NAALADL2: variants seen among roughly 807,000 people sequenced by gnomAD.
NAALADL2 encodes the protein N-acetylated alpha-linked acidic dipeptidase like 2, also known as inactive N-acetylated-alpha-linked acidic dipeptidase-like protein 2.
Under a neutral mutation model 87.2 loss-of-function variants are expected in NAALADL2, and 76 were observed. The ratio of observed to expected loss-of-function variants is 0.87; its 90% CI spans 0.72 to 1.05. NAALADL2 has a LOEUF of 1.05. Among genes scored for constraint, NAALADL2 ranks in the 50% least tolerant of loss-of-function variants. The probability of loss-of-function intolerance (pLI) is 0.00; values close to 1 mark genes in which losing one functional copy is unlikely to be tolerated. For synonymous variants in NAALADL2, 354 were observed against 331.0 expected (o/e 1.07, Z -0.75); for missense variants, 1,089 against 945.8 (o/e 1.15, Z -1.99).
At chr3:174,841,116 A>G (rs1243955301) in intron 3 of NAALADL2, among the ~76,000 whole-genome samples, 2 of 152,160 alleles carry the variant, frequency 1.3e-5, no homozygotes, top group African/African-American at 4.8e-5. Context: ...ATAACAAATC[A>G]AAGAAAACCT....
intron 1 of NAALADL2, among the ~76,000 whole-genome samples, chr3:174,509,716 G>C (rs189677724): frequency 6.6e-6 from 1 of 150,894 alleles, no homozygotes; most frequent in Admixed American, 6.6e-5. Flanking sequence ...GTGAGCCACC[G>C]AGCACAGCTG....
chr3:175,556,791 C>A (rs75083397), intron 9 of NAALADL2, among the ~76,000 whole-genome samples: 3,151 of 152,246 alleles, frequency 0.021, 80 homozygotes, highest in Admixed American at 0.061. Flanking sequence ...CACTTGATTT[C>A]TCTAATCTCT....
chr3:174,753,293 C>T (rs369890639), intron 3 of NAALADL2, among the ~76,000 whole-genome samples: 1 of 152,182 alleles, frequency 6.6e-6, no homozygotes, highest in South Asian at 2.1e-4. Context: ...CCTGGCTGGT[C>T]TCAATCCTCT....
rs540117365 is a variant in NAALADL2 at position 174,787,049 on chromosome 3, ATAT to A, written c.-9+49310_-9+49312del. ...TTATACTGCAATATAATAAATTATT[ATAT>A]TATTATATTTATTGCAATATAATAA... On this transcript the variant is annotated intron_variant, in intron 3 of 3. Transcript: ENST00000434257. 4.6e-3 allele frequency among the ~76,000 whole-genome samples: 383 copies of A among 82,618 alleles called. 2 individuals are homozygous for A. The highest frequency in any genetic ancestry group is 0.018 in the African/African-American group (368 of 20,174). 54.2% of individuals were successfully genotyped at this position (82,618 alleles called of 152,430 possible). A position where few individuals can be genotyped will look rare whatever the true frequency, so the allele number is the denominator to read the frequency against.
At chr3:175,029,255 C>T (rs1460329019) in intron 1 of NAALADL2, among the ~76,000 whole-genome samples, 1 of 151,994 alleles carries the variant, frequency 6.6e-6, no homozygotes, top group African/African-American at 2.4e-5. Context: ...GTATCTCATT[C>T]TTTCACGTCT....
intron 2 of NAALADL2, among the ~76,000 whole-genome samples, chr3:174,574,058 A>C (rs1042548851): frequency 1.3e-5 from 2 of 152,182 alleles, no homozygotes; most frequent in Non-Finnish European, 2.9e-5. Flanking sequence ...CCTTTAAAGA[A>C]TGTATATTCA....
At chr3:175,802,396 C>T (rs1377366648) in intron 13 of NAALADL2, among the ~76,000 whole-genome samples, 1 of 151,424 alleles carries the variant, frequency 6.6e-6, no homozygotes, top group Non-Finnish European at 1.5e-5. Flanking sequence ...GGTTTTTACA[C>T]TAAAGGAGGA....
intron 2 of NAALADL2, among the ~76,000 whole-genome samples, chr3:174,558,505 A>T (rs527814440): frequency 1.3e-5 from 2 of 152,224 alleles, no homozygotes; most frequent in East Asian, 3.9e-4. Context: ...GGGTGATGGG[A>T]GACAATGACA....
At chr3:174,475,585 A>G (rs1396480582) in intron 1 of NAALADL2, among the ~76,000 whole-genome samples, 1 of 152,036 alleles carries the variant, frequency 6.6e-6, no homozygotes, top group Non-Finnish European at 1.5e-5. Flanking sequence ...AAATTCCACC[A>G]TTAATCAAGC....
intron 2 of NAALADL2, among the ~76,000 whole-genome samples, chr3:175,100,897 C>T (rs6769073): frequency 0.41 from 61,298 of 149,268 alleles, 12,969 homozygotes; most frequent in Non-Finnish European, 0.47. Context: ...AGGTGGCGTA[C>T]GGCAAATCAT....
At chr3:174,801,807 T>G (rs1425895123) in intron 3 of NAALADL2, among the ~76,000 whole-genome samples, 1 of 151,892 alleles carries the variant, frequency 6.6e-6, no homozygotes, top group Non-Finnish European at 1.5e-5. Flanking sequence ...TTTTTTGAAT[T>G]GATTTAATGT....
At chr3:174,860,775 T>G (rs1560295375) in intron 1 of NAALADL2, among the ~76,000 whole-genome samples, 1 of 152,082 alleles carries the variant, frequency 6.6e-6, no homozygotes, top group Non-Finnish European at 1.5e-5. Flanking sequence ...TCATGGGTAA[T>G]ATTTTTTTAA....
intron 11 of NAALADL2, among the ~76,000 whole-genome samples, chr3:175,697,689 CTTA>C (rs1490369644): frequency 2.0e-5 from 3 of 149,688 alleles, no homozygotes; most frequent in Non-Finnish European, 4.4e-5. Flanking sequence ...GTTCAACTGA[CTTA>C]TTATTAAATT....
In NAALADL2 at chr3:175,454,047, C is replaced by T. The variant is rs115428772; in HGVS notation, c.1234+6675C>T. ...TGTTTGTATTGGTATCTTTATGCTA[C>T]GTATTTTTTGCTTTCAACCTTCCTG... On this transcript the variant is annotated intron_variant, in intron 6 of 13. Coordinates refer to ENST00000454872, the MANE Select transcript of NAALADL2 (RefSeq NM_207015.3). 5.0e-3 allele frequency among the ~76,000 whole-genome samples: 767 copies of T among 152,074 alleles called. 5 individuals carry two copies. The highest frequency in any genetic ancestry group is 0.02 in the Middle Eastern group (6 of 294).
At chr3:175,108,680 A>G (rs544917791) in intron 2 of NAALADL2, among the ~76,000 whole-genome samples, 1 of 152,136 alleles carries the variant, frequency 6.6e-6, no homozygotes, top group South Asian at 2.1e-4. Context: ...TATTAGCCTG[A>G]TAATTTTTGT....
At chr3:174,918,727 T>C (rs1056561161) in intron 1 of NAALADL2, among the ~76,000 whole-genome samples, 3 of 152,196 alleles carry the variant, frequency 2.0e-5, no homozygotes, top group Non-Finnish European at 4.4e-5. Flanking sequence ...TGATTCTGTT[T>C]GTGTCCTTTT....
chr3:175,208,933 A>T (rs1051074039), intron 2 of NAALADL2, among the ~76,000 whole-genome samples: 3 of 152,202 alleles, frequency 2.0e-5, no homozygotes, highest in Non-Finnish European at 4.4e-5. Flanking sequence ...TCTCAGTTAT[A>T]GATAATTTGT....
chr3:174,633,546 G>A (rs1301288553), intron 2 of NAALADL2, among the ~76,000 whole-genome samples: 2 of 152,172 alleles, frequency 1.3e-5, no homozygotes, highest in African/African-American at 4.8e-5. Flanking sequence ...AGCTAGAACA[G>A]GAGAAAACAG....
At chr3:174,952,666 G>A (rs1339997742) in intron 1 of NAALADL2, among the ~76,000 whole-genome samples, 3 of 152,078 alleles carry the variant, frequency 2.0e-5, no homozygotes, top group Non-Finnish European at 4.4e-5. Context: ...GGTTGCTGAC[G>A]TGGTTGTGTT....
Sources: gnomAD v4.1 joint callset for allele counts (sites outside exome capture counted in the v4.1 genomes callset) on GRCh38, gnomAD v4.1.1 for gene constraint, MANE v1.5 for transcripts, NCBI Gene and HGNC (gene_info 2026-07-23, HGNC 2026-07-21) for gene names.